Variants in GALNT14 observed in about 807,000 individuals in gnomAD.
GALNT14 encodes UDP-GalNAc:polypeptide N-acetylgalactosaminyltransferase 14.
GALNT14 carries 60 observed loss-of-function variants against 77.5 expected under a neutral mutation model. The ratio of observed to expected loss-of-function variants is 0.77; its 90% CI spans 0.63 to 0.96. The LOEUF (loss-of-function observed/expected upper bound fraction) is 0.96. Ranked by LOEUF, GALNT14 falls within the 40% of genes least tolerant of loss-of-function variation. GALNT14 has a pLI of 0.00. For missense variants in GALNT14, 710 were observed against 731.0 expected (o/e 0.97, Z 0.33); for synonymous variants, 280 against 281.7 (o/e 0.99, Z 0.06).
chr2:31,123,666 C>T (rs1678535291), intron 1 of GALNT14, among the ~76,000 whole-genome samples: 1 of 152,170 alleles, frequency 6.6e-6, no homozygotes, highest in Non-Finnish European at 1.5e-5. Context: ...AGTGAAACAG[C>T]TTTAAGGATG....
chr2:31,069,880 G>A (rs541472850), intron 1 of GALNT14, among the ~76,000 whole-genome samples: 4 of 152,230 alleles, frequency 2.6e-5, no homozygotes, highest in South Asian at 2.1e-4. Flanking sequence ...CCTCCATCTC[G>A]ATGGGGTGAT....
intron 2 of GALNT14, among the ~76,000 whole-genome samples, chr2:30,977,607 C>A (rs1459742340): frequency 6.6e-6 from 1 of 152,168 alleles, no homozygotes; most frequent in African/African-American, 2.4e-5. Flanking sequence ...CCAATTGCAA[C>A]AGCTATAAGG....
intron 1 of GALNT14, among the ~76,000 whole-genome samples, chr2:31,094,777 T>A (rs562490923): frequency 4.6e-5 from 7 of 152,140 alleles, no homozygotes; most frequent in African/African-American, 1.7e-4. Flanking sequence ...CACTGTAAGG[T>A]GAATACCAGA....
intron 1 of GALNT14, chr2:31,065,392 C>T (rs1027186330): frequency 6.6e-6 from 1 of 152,196 alleles, no homozygotes; most frequent in African/African-American, 2.4e-5. Flanking sequence ...CAGTAGCGCT[C>T]TCAGAGATCC....
At chr2:30,929,137 C>A (rs1325042672) in intron 11 of GALNT14, among the ~76,000 whole-genome samples, 2 of 152,150 alleles carry the variant, frequency 1.3e-5, no homozygotes, top group African/African-American at 2.4e-5. Flanking sequence ...AATATTGGTC[C>A]ACTGCACAAG....
intron 3 of GALNT14, among the ~76,000 whole-genome samples, chr2:30,962,140 C>T (rs1260135651): frequency 6.6e-6 from 1 of 152,174 alleles, no homozygotes; most frequent in Non-Finnish European, 1.5e-5. Context: ...CACCTGTTGT[C>T]ACCGCTCAGG....
At chr2:30,926,441 G>C (rs1424008794) in intron 11 of GALNT14, among the ~76,000 whole-genome samples, 1 of 152,166 alleles carries the variant, frequency 6.6e-6, no homozygotes, top group African/African-American at 2.4e-5. Flanking sequence ...TTGAGTTGGA[G>C]GTACCAGGGA....
intron 1 of GALNT14, among the ~76,000 whole-genome samples, chr2:31,006,882 C>T (rs1394430735): frequency 6.6e-6 from 1 of 152,206 alleles, no homozygotes; most frequent in East Asian, 1.9e-4. Flanking sequence ...CTCTTCTACG[C>T]CTGCTAGGGG....
intron 2 of GALNT14, among the ~76,000 whole-genome samples, chr2:30,981,918 T>C (rs1184082597): frequency 6.6e-6 from 1 of 152,176 alleles, no homozygotes. Context: ...CTCAGGCCAG[T>C]TATTTCTTCC....
chr2:31,113,514 G>C (rs934310993), intron 1 of GALNT14, among the ~76,000 whole-genome samples: 4 of 152,186 alleles, frequency 2.6e-5, no homozygotes, highest in African/African-American at 9.7e-5. Context: ...CAGAGGAAGG[G>C]ATGGGAAGCT....
At chr2:30,951,364 T>C (rs1667018961) in intron 6 of GALNT14, among the ~76,000 whole-genome samples, 1 of 152,156 alleles carries the variant, frequency 6.6e-6, no homozygotes, top group Non-Finnish European at 1.5e-5. Flanking sequence ...ATTCCGTTTA[T>C]ATGAAATGTC....
chr2:30,946,144 G>A (rs1666681967), intron 6 of GALNT14, among the ~76,000 whole-genome samples: 1 of 152,200 alleles, frequency 6.6e-6, no homozygotes, highest in African/African-American at 2.4e-5. Flanking sequence ...CATGATGGAG[G>A]CTGGCTGGAG....
At chr2:30,970,442 G>A (rs568932218) in intron 2 of GALNT14, among the ~76,000 whole-genome samples, 2 of 152,294 alleles carry the variant, frequency 1.3e-5, no homozygotes, top group South Asian at 2.1e-4. Context: ...ACGTAAGCAC[G>A]TGGTGTTTAA....
At chr2:30,937,208 G>A (rs764758630) in intron 9 of GALNT14, among the ~76,000 whole-genome samples, 5 of 152,204 alleles carry the variant, frequency 3.3e-5, no homozygotes, top group South Asian at 2.1e-4. Flanking sequence ...CATAATCCTC[G>A]TTTAACAATC....
chr2:31,084,890 T>C (rs1676341267), intron 1 of GALNT14, among the ~76,000 whole-genome samples: 1 of 152,026 alleles, frequency 6.6e-6, no homozygotes, highest in African/African-American at 2.4e-5. Context: ...CCAGGCATGG[T>C]GGCATGCACC....
downstream of GALNT14, among the ~76,000 whole-genome samples, chr2:30,909,034 C>T (rs1388136243): frequency 6.6e-6 from 1 of 152,024 alleles, no homozygotes; most frequent in Non-Finnish European, 1.5e-5. Context: ...GGATCCCTTC[C>T]TTACACCTTA....
At chr2:31,057,917 A>C (rs570995019) in intron 1 of GALNT14, among the ~76,000 whole-genome samples, 3 of 152,124 alleles carry the variant, frequency 2.0e-5, no homozygotes, top group African/African-American at 7.2e-5. Flanking sequence ...GGGAGGAAAG[A>C]AAGACTAGGC....
chr2:30,954,142 G>A (rs1667215008), intron 6 of GALNT14, among the ~76,000 whole-genome samples: 1 of 152,170 alleles, frequency 6.6e-6, no homozygotes, highest in Non-Finnish European at 1.5e-5. Context: ...TTGTGGAGAG[G>A]AGGGGAAGGG....
intron 1 of GALNT14, among the ~76,000 whole-genome samples, chr2:31,049,649 G>A (rs1051911575): frequency 6.6e-6 from 1 of 152,216 alleles, no homozygotes; most frequent in African/African-American, 2.4e-5. Flanking sequence ...GGAAAAGCAG[G>A]AAGGGCCAAG....
Sources: gnomAD v4.1 joint callset for allele counts (sites outside exome capture counted in the v4.1 genomes callset) on GRCh38, gnomAD v4.1.1 for gene constraint, MANE v1.5 for transcripts, NCBI Gene and HGNC (gene_info 2026-07-23, HGNC 2026-07-21) for gene names.